STXBP5L: variants seen among roughly 807,000 people sequenced by gnomAD.
STXBP5L encodes the protein syntaxin-binding protein 5-like.
Under a neutral mutation model 144.5 loss-of-function variants are expected in STXBP5L, and 65 were observed. The ratio of observed to expected loss-of-function variants is 0.45; its 90% CI spans 0.37 to 0.55. The LOEUF is 0.55. Ranked by LOEUF, STXBP5L falls within the 20% of genes least tolerant of loss-of-function variation. STXBP5L has a pLI of 0.00. For synonymous variants in STXBP5L, 505 were observed against 469.6 expected (o/e 1.08, Z -0.97); for missense variants, 1,298 against 1,405.5 (o/e 0.92, Z 1.22).
intron 5 of STXBP5L, among the ~76,000 whole-genome samples, chr3:121,072,748 C>T (rs760251474): frequency 6.6e-6 from 1 of 152,178 alleles, no homozygotes; most frequent in Non-Finnish European, 1.5e-5. Context: ...GTCACCTCCT[C>T]CTGTTTGTTG....
chr3:121,002,318 T>G (rs1943850565), intron 3 of STXBP5L, among the ~76,000 whole-genome samples: 1 of 152,212 alleles, frequency 6.6e-6, no homozygotes, highest in Non-Finnish European at 1.5e-5. Flanking sequence ...TTGAGCGCAT[T>G]TTCATATATC....
chr3:121,032,595 T>A (rs930423122), intron 3 of STXBP5L, among the ~76,000 whole-genome samples: 70 of 140,582 alleles, frequency 5.0e-4, no homozygotes, highest in Non-Finnish European at 5.8e-4. Flanking sequence ...CTAAAGAGCT[T>A]CTGCACAGCA....
intron 20 of STXBP5L, among the ~76,000 whole-genome samples, chr3:121,351,346 G>C (rs577377026): frequency 3.3e-5 from 5 of 152,116 alleles, no homozygotes; most frequent in African/African-American, 9.7e-5. Flanking sequence ...GTACCCGGCC[G>C]TGTCAGGTGT....
At chr3:120,979,393 T>A (rs968329370) in intron 3 of STXBP5L, among the ~76,000 whole-genome samples, 2 of 152,172 alleles carry the variant, frequency 1.3e-5, no homozygotes, top group Non-Finnish European at 2.9e-5. Context: ...TTTTTAAGCC[T>A]GTCGGAAAAG....
At chr3:120,962,450 TG>T (rs1369486578) in intron 3 of STXBP5L, among the ~76,000 whole-genome samples, 1 of 152,216 alleles carries the variant, frequency 6.6e-6, no homozygotes, top group African/African-American at 2.4e-5. Context: ...AATTAATTTT[TG>T]TGTAAGGTGT....
At chr3:120,952,448 GTTCT>G (rs1305011182) in intron 2 of STXBP5L, among the ~76,000 whole-genome samples, 5 of 151,892 alleles carry the variant, frequency 3.3e-5, no homozygotes, top group Admixed American at 3.3e-4. Context: ...TATAAATGGG[GTTCT>G]TTATTTTATT....
At chr3:120,988,808 C>T (rs1054504373) in intron 3 of STXBP5L, among the ~76,000 whole-genome samples, 1 of 152,042 alleles carries the variant, frequency 6.6e-6, no homozygotes, top group Non-Finnish European at 1.5e-5. Context: ...CATCCCTCTC[C>T]CTGTTCCCAC....
chr3:121,320,687 G>A (rs1341780822), intron 20 of STXBP5L, among the ~76,000 whole-genome samples: 2 of 149,212 alleles, frequency 1.3e-5, no homozygotes, highest in African/African-American at 2.5e-5. Context: ...CCACCACAAC[G>A]CACAACGACC....
intron 5 of STXBP5L, among the ~76,000 whole-genome samples, 191 bp from the exon 6 acceptor site, chr3:121,114,734 A>G (rs1405797642): frequency 6.6e-6 from 1 of 152,142 alleles, no homozygotes; most frequent in East Asian, 1.9e-4. Context: ...AATAGTGCTT[A>G]TTAACATTAT....
chr3:121,012,467 A>C (rs370240408), intron 3 of STXBP5L, among the ~76,000 whole-genome samples: 1 of 151,820 alleles, frequency 6.6e-6, no homozygotes, highest in Admixed American at 6.6e-5. Context: ...TATATCTTCC[A>C]TATGGATATC....
intron 2 of STXBP5L, among the ~76,000 whole-genome samples, chr3:120,913,008 C>A (rs1435258327): frequency 6.6e-6 from 1 of 151,894 alleles, no homozygotes; most frequent in African/African-American, 2.4e-5. Flanking sequence ...CCTCATAATT[C>A]AAACATCACC....
chr3:120,922,772 C>G (rs536484184), intron 2 of STXBP5L, among the ~76,000 whole-genome samples: 2 of 151,786 alleles, frequency 1.3e-5, no homozygotes, highest in African/African-American at 2.4e-5. Flanking sequence ...TATTGTTTTG[C>G]ATTTGTGGAG....
intron 3 of STXBP5L, among the ~76,000 whole-genome samples, chr3:120,977,856 A>T (rs1210238148): frequency 3.9e-5 from 6 of 152,186 alleles, no homozygotes; most frequent in Non-Finnish European, 8.8e-5. Context: ...TTTCTTTAAG[A>T]ATGTTGAATA....
At chr3:120,991,586 G>T (rs1290976596) in intron 3 of STXBP5L, among the ~76,000 whole-genome samples, 1 of 152,190 alleles carries the variant, frequency 6.6e-6, no homozygotes, top group Non-Finnish European at 1.5e-5. Context: ...CAACCCAAAT[G>T]TCCAACAATG....
intron 20 of STXBP5L, among the ~76,000 whole-genome samples, chr3:121,343,047 T>G (rs139555864): frequency 0.022 from 3,385 of 152,254 alleles, 129 homozygotes; most frequent in African/African-American, 0.077. Context: ...TTCTAACTGT[T>G]GTGAAATGGT....
chr3:121,194,750 G>C (rs2047852524), intron 9 of STXBP5L, among the ~76,000 whole-genome samples: 2 of 151,872 alleles, frequency 1.3e-5, no homozygotes, highest in Non-Finnish European at 1.5e-5. Flanking sequence ...TTCATTACTT[G>C]TTTTGTCTAT....
chr3:121,303,122 A>T (rs1165945211), intron 19 of STXBP5L, among the ~76,000 whole-genome samples: 1 of 152,190 alleles, frequency 6.6e-6, no homozygotes, highest in East Asian at 1.9e-4. Flanking sequence ...AAATTTTTGC[A>T]ATCTACTCAT....
At chr3:121,175,548 C>T (rs1048556485) in intron 9 of STXBP5L, among the ~76,000 whole-genome samples, 2 of 151,720 alleles carry the variant, frequency 1.3e-5, no homozygotes, top group Non-Finnish European at 2.9e-5. Context: ...AATTTTAAAC[C>T]CTGGGACAAT....
intron 17 of STXBP5L, 69 bp from the exon 18 acceptor site, chr3:121,258,974 A>C: frequency 7.1e-7 from 1 of 1,411,286 alleles, no homozygotes; most frequent in East Asian, 2.6e-5. Context: ...GATTCTATGT[A>C]AATTCTCAAG....
Sources: allele counts gnomAD v4.1 joint callset (sites outside exome capture counted in the v4.1 genomes callset), GRCh38; gene constraint gnomAD v4.1.1; transcripts MANE v1.5; gene names NCBI Gene and HGNC (gene_info 2026-07-23, HGNC 2026-07-21).